Variants in KCNJ6 observed in about 807,000 individuals in gnomAD.
KCNJ6 encodes G protein-activated inward rectifier potassium channel 2.
In KCNJ6, 9 loss-of-function variants were observed where a neutral mutation model predicts 34.2. The ratio of observed to expected loss-of-function variants is 0.26; its 90% CI spans 0.16 to 0.46. The LOEUF is 0.46. Ranked by LOEUF, KCNJ6 falls within the 20% of genes least tolerant of loss-of-function variation. The pLI, the probability that KCNJ6 is intolerant of heterozygous loss-of-function variation, is 1.00. For synonymous variants in KCNJ6, 196 were observed against 207.1 expected, an observed-to-expected ratio of 0.95 and a Z score of 0.46; for missense variants, 236 against 531.3, an observed-to-expected ratio of 0.44 and a Z score of 5.46.
chr21:37,786,558 T>A (rs1212146588), intron 2 of KCNJ6, among the ~76,000 whole-genome samples: 1 of 152,134 alleles, frequency 6.6e-6, no homozygotes. Flanking sequence ...CCAACAGTCA[T>A]GAGTGCAGCT....
intron 1 of KCNJ6, among the ~76,000 whole-genome samples, chr21:37,883,984 G>C (rs1036137561): frequency 6.6e-6 from 1 of 152,158 alleles, no homozygotes. Context: ...ATGAATGCTC[G>C]TCCACTCACC....
intron 3 of KCNJ6, among the ~76,000 whole-genome samples, chr21:37,713,097 T>C (rs1367781096): frequency 6.6e-6 from 1 of 152,012 alleles, no homozygotes; most frequent in Non-Finnish European, 1.5e-5. Flanking sequence ...TTGTGAGAGG[T>C]TGTGACCTTG....
chr21:37,655,179 TTGTGTGTG>T lies in KCNJ6; in HGVS notation c.947-29703_947-29696del, dbSNP rs369378573. The stretch of plus-strand genomic sequence containing the variant: ...TACACTGCCTTCACACTCTAGACAT[TTGTGTGTG>T]TGTGTGTGTGTGTGTGTGTGTGTGT... On this transcript the variant is annotated intron_variant, in intron 3 of 3. Coordinates refer to ENST00000609713, the MANE Select transcript of KCNJ6 (RefSeq NM_002240.5). Among the ~76,000 whole-genome samples, 179 of 23,958 alleles carry T rather than the reference TTGTGTGTG, an allele frequency of 7.5e-3. 2 individuals carry two copies. Among genetic ancestry groups the T allele is most frequent in the East Asian group, 0.02 (13 of 644 alleles). The allele number at this position is 23,958 out of a possible 152,430, so 15.7% of individuals were successfully genotyped here.
chr21:37,774,798 C>T (rs1043071201), intron 2 of KCNJ6, among the ~76,000 whole-genome samples: 3 of 152,048 alleles, frequency 2.0e-5, no homozygotes, highest in Admixed American at 1.3e-4. Context: ...TGAATAGCGC[C>T]GCAGTAAACA....
intron 2 of KCNJ6, among the ~76,000 whole-genome samples, chr21:37,737,754 T>C (rs1327085443): frequency 2.0e-5 from 3 of 152,224 alleles, no homozygotes; most frequent in Non-Finnish European, 4.4e-5. Context: ...TTTGGGACAG[T>C]TGCTGCACAG....
chr21:37,778,877 G>A (rs1463668147), intron 2 of KCNJ6, among the ~76,000 whole-genome samples: 1 of 151,584 alleles, frequency 6.6e-6, no homozygotes, highest in East Asian at 1.9e-4. Flanking sequence ...ATGAGCACCT[G>A]GGGCCATCCA....
chr21:37,718,313 A>G (rs556966759), intron 2 of KCNJ6, among the ~76,000 whole-genome samples: 57 of 152,338 alleles, frequency 3.7e-4, no homozygotes, highest in South Asian at 8.3e-4. Flanking sequence ...TGTTTGACCC[A>G]TTATATATTT....
intron 3 of KCNJ6, among the ~76,000 whole-genome samples, chr21:37,698,182 G>C (rs1482128458): frequency 6.6e-6 from 1 of 152,188 alleles, no homozygotes; most frequent in East Asian, 1.9e-4. Flanking sequence ...CCTCCCAAAG[G>C]TCAGGAAACC....
At chr21:37,795,416 G>T (rs987276478) in intron 2 of KCNJ6, among the ~76,000 whole-genome samples, 2 of 152,112 alleles carry the variant, frequency 1.3e-5, no homozygotes, top group Non-Finnish European at 2.9e-5. Context: ...AAAGATATGG[G>T]ATTTCCTTGG....
intron 2 of KCNJ6, among the ~76,000 whole-genome samples, chr21:37,824,986 C>T (rs1230442885): frequency 2.0e-5 from 3 of 152,020 alleles, no homozygotes; most frequent in Admixed American, 6.6e-5. Flanking sequence ...TTTTCAAGGC[C>T]GGCATCTGTA....
At position 37,616,590 on chromosome 21, in the gene KCNJ6, C is replaced by CATATATATATATATATATAT; in HGVS notation, c.*8549_*8568dup. On this transcript the variant is annotated 3_prime_UTR_variant, in exon 4 of 4. Coordinates refer to ENST00000609713, the MANE Select transcript of KCNJ6 (RefSeq NM_002240.5). ...AATTATGAAGCAGGAACAAAATGTACATATATATATATATATATATATATA... is the reference window on the plus strand; with the variant it reads ...AATTATGAAGCAGGAACAAAATGTACATATATATATATATATATATATATATATATATATATATATATATA... 190 of 90,904 alleles carry CATATATATATATATATATAT rather than the reference C, an allele frequency of 2.1e-3. 12 individuals are homozygous for CATATATATATATATATATAT. Among genetic ancestry groups the CATATATATATATATATATAT allele is most frequent in the Middle Eastern group, 0.018 (3 of 168 alleles). The allele number at this position is 90,904 out of a possible 1,614,324, so 5.6% of individuals were successfully genotyped here. A position where few individuals can be genotyped will look rare whatever the true frequency, so the allele number is the denominator to read the frequency against.
intron 3 of KCNJ6, among the ~76,000 whole-genome samples, chr21:37,660,757 G>A (rs545755177): frequency 9.8e-5 from 15 of 152,310 alleles, no homozygotes; most frequent in Middle Eastern, 3.4e-3. Flanking sequence ...TGGAGAGCAC[G>A]CTTACTGCGG....
At chr21:37,665,350 C>T (rs1028998321) in intron 3 of KCNJ6, among the ~76,000 whole-genome samples, 1 of 152,170 alleles carries the variant, frequency 6.6e-6, no homozygotes, top group Non-Finnish European at 1.5e-5. Context: ...CTGTATAAGT[C>T]CATGCGATCA....
intron 3 of KCNJ6, among the ~76,000 whole-genome samples, chr21:37,705,997 G>C (rs981152929): frequency 6.6e-6 from 1 of 152,166 alleles, no homozygotes; most frequent in Non-Finnish European, 1.5e-5. Context: ...TTGGCTTGAG[G>C]TCTACTCTTC....
At chr21:37,873,642 T>G (rs1007645140) in intron 1 of KCNJ6, among the ~76,000 whole-genome samples, 2 of 152,178 alleles carry the variant, frequency 1.3e-5, no homozygotes, top group African/African-American at 4.8e-5. Context: ...ACCCACTATG[T>G]AGGACTAGAA....
intron 2 of KCNJ6, among the ~76,000 whole-genome samples, chr21:37,742,873 A>G (rs1332587842): frequency 6.6e-6 from 1 of 152,040 alleles, no homozygotes. Context: ...CTTCTTCCAA[A>G]CCTTCCATCT....
At chr21:37,894,018 A>G (rs544614321) in intron 1 of KCNJ6, among the ~76,000 whole-genome samples, 1 of 152,326 alleles carries the variant, frequency 6.6e-6, no homozygotes, top group African/African-American at 2.4e-5. Context: ...ATTATGGTAT[A>G]ATCAAAACCC....
Position 37,815,427 on chromosome 21 carries a change from A to G in KCNJ6, c.25+25231T>C, listed in dbSNP as rs368586554. Among the ~76,000 whole-genome samples, 413 of 152,286 alleles carry G rather than the reference A, an allele frequency of 2.7e-3. 4 individuals are homozygous for G. Among genetic ancestry groups the G allele is most frequent in the African/African-American group, 9.4e-3 (391 of 41,564 alleles). ...TACCCACGAAAATTAAAAATAAAAGATGGAAAGCCTTGGGGAGGGGGAGAA... is the reference window on the plus strand; with the variant it reads ...TACCCACGAAAATTAAAAATAAAAGGTGGAAAGCCTTGGGGAGGGGGAGAA... On this transcript the variant is annotated intron_variant, in intron 2 of 3. Transcript: ENST00000609713.
intron 1 of KCNJ6, 108 bp downstream of exon 1, chr21:37,915,776 C>G (rs1276530480): frequency 6.6e-6 from 1 of 152,214 alleles, no homozygotes. Context: ...GAGATGCCTG[C>G]GGCGACGGCG....
Sources: gnomAD v4.1 joint callset for allele counts (sites outside exome capture counted in the v4.1 genomes callset) on GRCh38, gnomAD v4.1.1 for gene constraint, MANE v1.5 for transcripts, NCBI Gene and HGNC (gene_info 2026-07-23, HGNC 2026-07-21) for gene names.